Variants in MRTFB observed in about 807,000 individuals in gnomAD.
MRTFB encodes myocardin related transcription factor B.
A neutral mutation model predicts 104.2 loss-of-function variants in MRTFB; 29 were observed. The ratio of observed to expected loss-of-function variants is 0.28; its 90% CI spans 0.21 to 0.38. The LOEUF (loss-of-function observed/expected upper bound fraction) is 0.38. Among genes scored for constraint, MRTFB ranks in the 10% least tolerant of loss-of-function variants. The pLI is 1.00. For missense variants in MRTFB, 1,270 were observed against 1,341.6 expected (o/e 0.95, Z 0.83); for synonymous variants, 535 against 519.5 (o/e 1.03, Z -0.41).
At chr16:14,057,300 T>C in the MRTFB span, among the ~76,000 whole-genome samples, 47 of 152,148 alleles carry the variant, frequency 3.1e-4, no homozygotes, top group Non-Finnish European at 5.0e-4. Flanking sequence ...TGTTTTCTGC[T>C]CCAGCCTTCT....
intron 2 of MRTFB, among the ~76,000 whole-genome samples, chr16:14,120,564 TTG>T (rs1470966694): frequency 6.6e-6 from 1 of 152,232 alleles, no homozygotes; most frequent in Non-Finnish European, 1.5e-5. Context: ...CCCCACTGAT[TTG>T]TGATGCCACC....
chr16:14,029,443 T>TACAC, the MRTFB span, among the ~76,000 whole-genome samples: 1,570 of 65,038 alleles, frequency 0.024, 26 homozygotes, highest in South Asian at 0.057. Context: ...TATATATATA[T>TACAC]ATACACACAC....
intron 2 of MRTFB, among the ~76,000 whole-genome samples, chr16:14,115,556 A>G (rs1205097138): frequency 6.6e-6 from 1 of 152,210 alleles, no homozygotes; most frequent in Non-Finnish European, 1.5e-5. Context: ...TCTGCGGCCC[A>G]GCTACATTTT....
At chr16:14,027,218 T>G in the MRTFB span, among the ~76,000 whole-genome samples, 2 of 152,062 alleles carry the variant, frequency 1.3e-5, no homozygotes, top group Non-Finnish European at 2.9e-5. Context: ...GAACTAATGA[T>G]AGATTCAACA....
chr16:14,031,295 GC>G, the MRTFB span, among the ~76,000 whole-genome samples: 1 of 151,968 alleles, frequency 6.6e-6, no homozygotes, highest in Non-Finnish European at 1.5e-5. Context: ...GGAGGCTAAG[GC>G]AGGAAACCCT....
At chr16:14,194,015 C>T (rs1202914296) in intron 3 of MRTFB, among the ~76,000 whole-genome samples, 1 of 152,128 alleles carries the variant, frequency 6.6e-6, no homozygotes, top group Non-Finnish European at 1.5e-5. Context: ...AGCATCTGTA[C>T]TATCATAACA....
intron 3 of MRTFB, among the ~76,000 whole-genome samples, chr16:14,179,253 C>T (rs1208762382): frequency 6.6e-6 from 1 of 152,168 alleles, no homozygotes; most frequent in Non-Finnish European, 1.5e-5. Flanking sequence ...TGCTTGACAC[C>T]TGACAGTGGT....
the MRTFB span, among the ~76,000 whole-genome samples, chr16:14,025,036 AG>A: frequency 1.3e-5 from 2 of 152,240 alleles, no homozygotes; most frequent in Non-Finnish European, 2.9e-5. Flanking sequence ...ATATAGTAAT[AG>A]AACAGTTCAT....
the MRTFB span, among the ~76,000 whole-genome samples, chr16:14,048,382 G>C: frequency 1.3e-5 from 2 of 152,212 alleles, no homozygotes; most frequent in Non-Finnish European, 2.9e-5. Flanking sequence ...GAGACCTCGT[G>C]ACCCAGAGCC....
intron 3 of MRTFB, among the ~76,000 whole-genome samples, chr16:14,196,976 T>C (rs1477428391): frequency 1.4e-5 from 2 of 142,032 alleles, no homozygotes; most frequent in Non-Finnish European, 3.1e-5. Flanking sequence ...TTTTTTTTTT[T>C]TTTTTTTTTT....
chr16:14,152,475 G>C (rs1471910875), intron 3 of MRTFB: 1 of 152,032 alleles, frequency 6.6e-6, no homozygotes, highest in Non-Finnish European at 1.5e-5. Context: ...GGTCACTAGA[G>C]GGGGTGGATC....
chr16:14,095,984 A>G (rs1012137543), intron 2 of MRTFB, among the ~76,000 whole-genome samples: 4 of 152,198 alleles, frequency 2.6e-5, no homozygotes, highest in African/African-American at 7.2e-5. Context: ...AAAATTTACT[A>G]AAAGTTTATT....
At chr16:14,126,961 C>T (rs769672973) in intron 2 of MRTFB, among the ~76,000 whole-genome samples, 7 of 152,202 alleles carry the variant, frequency 4.6e-5, no homozygotes, top group African/African-American at 7.2e-5. Context: ...TTAATGGTTT[C>T]TCACAGCCAA....
intron 3 of MRTFB, among the ~76,000 whole-genome samples, chr16:14,165,737 T>G (rs1485533610): frequency 6.6e-6 from 1 of 152,212 alleles, no homozygotes; most frequent in African/African-American, 2.4e-5. Flanking sequence ...ACTAGATGAT[T>G]CAGAGTAAAT....
At chr16:14,099,670 CT>C (rs200952464) in intron 2 of MRTFB, among the ~76,000 whole-genome samples, 25,586 of 136,094 alleles carry the variant, frequency 0.19, 3,474 homozygotes, top group African/African-American at 0.4. Context: ...CTTTTCTTTT[CT>C]TTTTTTTTTT....
chr16:14,006,185 A>G, the MRTFB span, among the ~76,000 whole-genome samples: 2 of 152,146 alleles, frequency 1.3e-5, no homozygotes, highest in African/African-American at 4.8e-5. Flanking sequence ...TCTACTAAAT[A>G]CAGAAAAATT....
the MRTFB span, among the ~76,000 whole-genome samples, chr16:14,063,903 T>C: frequency 1.3e-5 from 2 of 152,238 alleles, no homozygotes; most frequent in Non-Finnish European, 2.9e-5. Flanking sequence ...TGATTCTGTG[T>C]CTTTGCTATT....
the MRTFB span, among the ~76,000 whole-genome samples, chr16:14,059,152 C>G: frequency 1.2e-4 from 18 of 152,080 alleles, no homozygotes; most frequent in African/African-American, 4.3e-4. Context: ...AGACAATGCT[C>G]AAATCAGTGT....
At position 14,206,495 on chromosome 16, in the gene MRTFB, T is replaced by C. The variant is rs140381023; in HGVS notation, c.155-3748T>C. On this transcript the variant is annotated intron_variant, in intron 3 of 16. Transcript: ENST00000571589. ...TACTTTTTATAAGTAGTAGTTGCTC[T>C]CAGAATAGCCTGTGTCAATTGTGAA... Among the ~76,000 whole-genome samples the C allele has an allele frequency of 2.6e-4, 40 of 152,378 alleles. No individual in the cohort carries two copies. The East Asian group carries it at 7.1e-3, about 27-fold the overall frequency.
Sources: gnomAD v4.1 joint callset for allele counts (sites outside exome capture counted in the v4.1 genomes callset) on GRCh38, gnomAD v4.1.1 for gene constraint, MANE v1.5 for transcripts, NCBI Gene and HGNC (gene_info 2026-07-23, HGNC 2026-07-21) for gene names.